CPQ: variants seen among roughly 807,000 people sequenced by gnomAD.
CPQ encodes carboxypeptidase Q.
Under a neutral mutation model 45.7 loss-of-function variants are expected in CPQ, and 37 were observed. That is an observed-to-expected ratio of 0.81 (90% CI 0.62 to 1.07). CPQ has a LOEUF of 1.07. CPQ is among the 50% of genes least tolerant of loss of function. The probability of loss-of-function intolerance (pLI) is 0.00; values close to 1 mark genes in which losing one functional copy is unlikely to be tolerated. For missense variants in CPQ, 537 were observed against 572.9 expected (o/e 0.94, Z 0.64); for synonymous variants, 186 against 205.8 (o/e 0.90, Z 0.82).
intron 6 of CPQ, among the ~76,000 whole-genome samples, chr8:97,042,253 A>G (rs1810141251): frequency 1.3e-5 from 2 of 151,706 alleles, no homozygotes; most frequent in African/African-American, 2.4e-5. Context: ...TTTCTTCTAG[A>G]TTTTCTAGTT....
At chr8:97,060,629 A>G (rs995446227) in intron 6 of CPQ, among the ~76,000 whole-genome samples, 1 of 152,236 alleles carries the variant, frequency 6.6e-6, no homozygotes, top group Non-Finnish European at 1.5e-5. Flanking sequence ...GCTTGTCTCA[A>G]TCAGTGCTGG....
intron 1 of CPQ, among the ~76,000 whole-genome samples, chr8:96,739,696 C>T (rs1448657934): frequency 6.7e-6 from 1 of 150,210 alleles, no homozygotes; most frequent in Non-Finnish European, 1.5e-5. Flanking sequence ...CCAGTTTTCC[C>T]AGCACCATGT....
chr8:96,935,545 A>G (rs952412138), intron 4 of CPQ, among the ~76,000 whole-genome samples: 2 of 152,182 alleles, frequency 1.3e-5, no homozygotes, highest in African/African-American at 2.4e-5. Flanking sequence ...TTAAGCTAGT[A>G]TGTGTTCACT....
chr8:96,825,998 G>A (rs1811374525), intron 2 of CPQ, among the ~76,000 whole-genome samples: 1 of 152,086 alleles, frequency 6.6e-6, no homozygotes, highest in Admixed American at 6.6e-5. Context: ...GGATGAAATA[G>A]TGAAATCTGC....
chr8:96,840,059 G>A (rs1303864014), intron 3 of CPQ, among the ~76,000 whole-genome samples: 1 of 152,120 alleles, frequency 6.6e-6, no homozygotes, highest in Admixed American at 6.5e-5. Flanking sequence ...GAGAGCTAAT[G>A]CTATAGGAAT....
intron 4 of CPQ, among the ~76,000 whole-genome samples, chr8:96,944,746 A>G (rs1368272545): frequency 1.3e-5 from 2 of 152,188 alleles, no homozygotes; most frequent in East Asian, 3.9e-4. Context: ...TCATTGTTTT[A>G]GAATATTTGA....
Position 97,023,008 on chromosome 8 carries a change from AC to A in CPQ, c.962-6394del, listed in dbSNP as rs1156715199. 1.6e-4 allele frequency among the ~76,000 whole-genome samples: 24 copies of A among 147,316 alleles called. No homozygotes were observed. The East Asian group carries it at 4.5e-3, about 28-fold the overall frequency. ...TAGTATATATATACAGTATATATAT[AC>A]TATATATAGTATATATATACAGTAT... On this transcript the variant is annotated intron_variant, in intron 5 of 7. Coordinates refer to ENST00000220763, the MANE Select transcript of CPQ (RefSeq NM_016134.4).
At chr8:97,106,534 A>G (rs1811407782) in intron 7 of CPQ, among the ~76,000 whole-genome samples, 1 of 152,260 alleles carries the variant, frequency 6.6e-6, no homozygotes, top group African/African-American at 2.4e-5. Flanking sequence ...CACTGGCCAC[A>G]TGTGGCTAAT....
chr8:96,726,133 T>C (rs1173790191), intron 1 of CPQ, among the ~76,000 whole-genome samples: 1 of 152,088 alleles, frequency 6.6e-6, no homozygotes, highest in Non-Finnish European at 1.5e-5. Context: ...AATTACCTGT[T>C]GGGTACTCTG....
At chr8:97,051,973 C>G (rs1004263434) in intron 6 of CPQ, among the ~76,000 whole-genome samples, 39 of 152,146 alleles carry the variant, frequency 2.6e-4, no homozygotes, top group African/African-American at 8.7e-4. Context: ...ACACAGATAT[C>G]CAAAGAGAAA....
intron 4 of CPQ, among the ~76,000 whole-genome samples, chr8:96,889,908 G>C (rs989418964): frequency 1.3e-5 from 2 of 152,134 alleles, no homozygotes; most frequent in Non-Finnish European, 2.9e-5. Flanking sequence ...TGACTCAAAT[G>C]TTAATCTCCT....
chr8:97,040,015 G>C (rs1387362915), intron 6 of CPQ, among the ~76,000 whole-genome samples: 2 of 151,406 alleles, frequency 1.3e-5, no homozygotes, highest in Non-Finnish European at 2.9e-5. Context: ...GGATGGCTGG[G>C]TCAAATGGTA....
At chr8:97,114,384 T>C (rs1426001140) in intron 7 of CPQ, among the ~76,000 whole-genome samples, 1 of 152,178 alleles carries the variant, frequency 6.6e-6, no homozygotes, top group African/African-American at 2.4e-5. Flanking sequence ...CTTGAGCTAT[T>C]TGCATATCTT....
chr8:96,718,941 CCGATTG>C (rs1809724902), intron 1 of CPQ, among the ~76,000 whole-genome samples: 1 of 152,316 alleles, frequency 6.6e-6, no homozygotes, highest in Non-Finnish European at 1.5e-5. Flanking sequence ...ATACAGAGTG[CCGATTG>C]CTGTATTTAC....
chr8:96,770,745 A>G (rs1372949325), intron 1 of CPQ, among the ~76,000 whole-genome samples: 1 of 147,992 alleles, frequency 6.8e-6, no homozygotes, highest in African/African-American at 2.5e-5. Context: ...ATATGTACAT[A>G]TATAGTATTG....
At chr8:96,847,350 T>C (rs1466768773) in intron 3 of CPQ, among the ~76,000 whole-genome samples, 8 of 152,220 alleles carry the variant, frequency 5.3e-5, no homozygotes, top group Non-Finnish European at 5.9e-5. Context: ...ATTACAATTA[T>C]TTGCTGTGTG....
At chr8:96,679,094 G>A (rs1423048304) in intron 1 of CPQ, among the ~76,000 whole-genome samples, 1 of 151,740 alleles carries the variant, frequency 6.6e-6, no homozygotes, top group African/African-American at 2.4e-5. Context: ...ATGTAGTAGG[G>A]GTCTACTCTC....
At chr8:97,053,636 C>T (rs1374111557) in intron 6 of CPQ, among the ~76,000 whole-genome samples, 1 of 152,156 alleles carries the variant, frequency 6.6e-6, no homozygotes, top group African/African-American at 2.4e-5. Context: ...TATAAAGAAG[C>T]CCAGGCAGAG....
intron 6 of CPQ, among the ~76,000 whole-genome samples, chr8:97,053,115 G>A (rs747390738): frequency 4.6e-5 from 7 of 152,098 alleles, no homozygotes; most frequent in Non-Finnish European, 1.0e-4. Flanking sequence ...CTAGTTACAT[G>A]CTCGCATGGG....
Sources: gnomAD v4.1 joint callset for allele counts (sites outside exome capture counted in the v4.1 genomes callset) on GRCh38, gnomAD v4.1.1 for gene constraint, MANE v1.5 for transcripts, NCBI Gene and HGNC (gene_info 2026-07-23, HGNC 2026-07-21) for gene names.